Variants in TUBB8 observed in about 807,000 individuals in gnomAD.
TUBB8 encodes tubulin beta 8 class VIII.
Under a neutral mutation model 33.7 loss-of-function variants are expected in TUBB8, and 25 were observed. That is an observed-to-expected ratio of 0.74 (90% CI 0.54 to 1.04). TUBB8 has a LOEUF of 1.04. TUBB8 is among the 50% of genes least tolerant of loss of function. TUBB8 has a pLI of 0.00. For synonymous variants in TUBB8, 245 were observed against 240.1 expected (o/e 1.02, Z -0.19); for missense variants, 279 against 608.0 (o/e 0.46, Z 5.69).
upstream of TUBB8, chr10:49,333 C>T (rs1319835216): frequency 7.8e-6 from 10 of 1,284,776 alleles, no homozygotes; most frequent in Non-Finnish European, 1.1e-5. Flanking sequence ...TAAATAGCCC[C>T]GCGCCCACCT....
chr10:69,646 C>T (rs530539999), intron 1 of TUBB8, among the ~76,000 whole-genome samples: 54 of 152,142 alleles, frequency 3.5e-4, no homozygotes, highest in African/African-American at 1.2e-3. Flanking sequence ...CACACTGGGC[C>T]GGGCATGGTG....
chr10:53,687 C>A (rs1321620046), upstream of TUBB8, among the ~76,000 whole-genome samples: 1 of 152,244 alleles, frequency 6.6e-6, no homozygotes, highest in African/African-American at 2.4e-5. Context: ...ACAGGGTTCC[C>A]TGCAGGGACT....
intron 1 of TUBB8, among the ~76,000 whole-genome samples, chr10:69,161 A>G (rs1834706694): frequency 6.6e-6 from 1 of 152,226 alleles, no homozygotes; most frequent in Non-Finnish European, 1.5e-5. Flanking sequence ...ATGGATTCCC[A>G]CTGGCCTTAG....
At chr10:69,390 C>T (rs1564212790) in intron 1 of TUBB8, among the ~76,000 whole-genome samples, 1 of 152,302 alleles carries the variant, frequency 6.6e-6, no homozygotes, top group East Asian at 1.9e-4. Flanking sequence ...CACTGTCCAG[C>T]AAAATCCCTA....
intron 1 of TUBB8, among the ~76,000 whole-genome samples, chr10:67,229 G>C (rs1393345031): frequency 6.7e-6 from 1 of 150,170 alleles, no homozygotes; most frequent in Non-Finnish European, 1.5e-5. Flanking sequence ...TCAGCCTGTT[G>C]ATTTCTGCCA....
Position 49,246 on chromosome 10 carries a change from G to A in TUBB8, c.-8C>T, listed in dbSNP as rs1834430233. Reference sequence around the variant, plus strand: ...GAGCACGATCTCCCTCATGGCCAAGGCGGGATTAGGACGGCAGGAGAAACG... The same window carrying A: ...GAGCACGATCTCCCTCATGGCCAAGACGGGATTAGGACGGCAGGAGAAACG... On this transcript the variant is annotated 5_prime_UTR_variant, in exon 1 of 4. Transcript: ENST00000568584. The A allele has an allele frequency of 1.1e-5, 18 of 1,582,156 alleles. No individual in the cohort carries two copies. Among genetic ancestry groups the A allele is most frequent in the Non-Finnish European group, 1.4e-5 (16 of 1,164,662 alleles).
At chr10:60,054 G>A (rs1175505107) in intron 1 of TUBB8, among the ~76,000 whole-genome samples, 1 of 151,936 alleles carries the variant, frequency 6.6e-6, no homozygotes, top group Non-Finnish European at 1.5e-5. Context: ...TTGTTTTACT[G>A]TTCAAAAAAT....
intron 1 of TUBB8, among the ~76,000 whole-genome samples, chr10:65,682 GC>G (rs1373354936): frequency 6.6e-6 from 1 of 152,316 alleles, no homozygotes; most frequent in East Asian, 1.9e-4. Context: ...CCGAGATCGT[GC>G]CACTGCACTC....
At chr10:54,866 C>G (rs1834509797) in intron 1 of TUBB8, among the ~76,000 whole-genome samples, 1 of 152,178 alleles carries the variant, frequency 6.6e-6, no homozygotes, top group Admixed American at 6.5e-5. Context: ...TCAAGCAATT[C>G]TCTGCCTCAG....
intron 3 of TUBB8, 97 bp from the exon 4 acceptor site, chr10:48,211 G>GA: frequency 1.1e-5 from 11 of 1,043,390 alleles, no homozygotes; most frequent in Non-Finnish European, 1.6e-5. Context: ...CACGTGAGGT[G>GA]AGAGCACCGT....
chr10:69,592 A>G (rs1834711056), intron 1 of TUBB8, among the ~76,000 whole-genome samples: 1 of 152,200 alleles, frequency 6.6e-6, no homozygotes, highest in Non-Finnish European at 1.5e-5. Context: ...TCAGTGTTGA[A>G]CGAAAGGCAA....
In TUBB8 at chr10:58,898, T is replaced by A. The variant is rs574327980; in HGVS notation, c.-845-8665A>T. 2.6e-5 allele frequency among the ~76,000 whole-genome samples: 4 copies of A among 152,342 alleles called. No homozygotes were observed. In the South Asian group the frequency reaches 8.3e-4, roughly 32 times the overall value. The stretch of plus-strand genomic sequence containing the variant: ...ACAATAATTTGACTTCTTTTCCAAC[T>A]GGGGTGCCTTTTATTATTGCTTTCT... On this transcript the variant is annotated intron_variant, in intron 1 of 3. Coordinates refer to the TUBB8 transcript ENST00000564130.
chr10:55,331 G>C lies in TUBB8; in HGVS notation c.-845-5098C>G, dbSNP rs573137650. 2.0e-5 allele frequency among the ~76,000 whole-genome samples: 3 copies of C among 152,308 alleles called. No homozygotes were observed. In the East Asian group the frequency reaches 5.8e-4, roughly 29 times the overall value. On this transcript the variant is annotated intron_variant, in intron 1 of 3. Coordinates refer to the TUBB8 transcript ENST00000564130. ...CCAGGTCTCTCCCTCAACACCTGGG[G>C]ATTACAATTCAATATGAGATTTGGG...
At position 49,147 on chromosome 10, in the gene TUBB8, G is replaced by T. The variant is rs552693939; in HGVS notation, c.57+35C>A. 1.4e-5 allele frequency: 22 copies of T among 1,551,144 alleles called. No individual in the cohort carries two copies. In the East Asian group the frequency reaches 2.2e-4, roughly 15 times the overall value. On this transcript the variant is annotated intron_variant, in intron 1 of 3. Coordinates refer to ENST00000568584, the MANE Select transcript of TUBB8 (RefSeq NM_177987.3). Reference sequence around the variant, plus strand: ...AACACCTTCCCCGGCCACCCGGCAGGCCCGGGCTAGGCCCTCAGAGCCCCG... The same window carrying T: ...AACACCTTCCCCGGCCACCCGGCAGTCCCGGGCTAGGCCCTCAGAGCCCCG...
upstream of TUBB8, among the ~76,000 whole-genome samples, chr10:54,182 G>A (rs1274520305): frequency 2.6e-5 from 4 of 151,930 alleles, no homozygotes; most frequent in South Asian, 2.1e-4. Context: ...CACTAACCCC[G>A]TTCCCCCACT....
At position 49,092 on chromosome 10, in the gene TUBB8, C is replaced by T. The variant is rs181491095; in HGVS notation, c.57+90G>A. ...TCCCCGGCAGGGAGCCCAGGGGCCG[C>T]AATGCATGGGCACCGCCCCCGCCAC... On this transcript the variant is annotated intron_variant, in intron 1 of 3. Coordinates refer to ENST00000568584, the MANE Select transcript of TUBB8 (RefSeq NM_177987.3). The T allele has an allele frequency of 1.4e-3, 1,985 of 1,420,596 alleles. 50 individuals carry two copies. The East Asian group carries it at 0.034, about 24-fold the overall frequency. 88.0% of individuals were successfully genotyped at this position (1,420,596 alleles called of 1,614,324 possible).
At chr10:74,887 T>TGGG (rs1554742938), upstream of TUBB8, among the ~76,000 whole-genome samples, 277 of 47,406 alleles carry the variant, frequency 5.8e-3, no homozygotes, top group African/African-American at 0.023. Flanking sequence ...TTTTTTTTTT[T>TGGG]TTTTGAGACG....
chr10:51,603 G>T (rs1279897570), upstream of TUBB8, among the ~76,000 whole-genome samples: 1 of 152,188 alleles, frequency 6.6e-6, no homozygotes, highest in Non-Finnish European at 1.5e-5. Context: ...CAGCCTGTAT[G>T]CCAGAAAGAC....
upstream of TUBB8, among the ~76,000 whole-genome samples, chr10:74,938 G>A (rs1834791402): frequency 1.3e-5 from 2 of 149,360 alleles, no homozygotes; most frequent in South Asian, 2.1e-4. Flanking sequence ...GCAATGGCGC[G>A]ATCTTGGCTC....
Sources: gnomAD v4.1 joint callset for allele counts (sites outside exome capture counted in the v4.1 genomes callset) on GRCh38, gnomAD v4.1.1 for gene constraint, MANE v1.5 for transcripts, NCBI Gene and HGNC (gene_info 2026-07-23, HGNC 2026-07-21) for gene names.